SMYD3: variants seen among roughly 807,000 people sequenced by gnomAD.
SMYD3 encodes the protein histone-lysine N-methyltransferase SMYD3.
A neutral mutation model predicts 57.7 loss-of-function variants in SMYD3; 36 were observed. The observed-to-expected ratio is 0.62, with a 90% CI of 0.48 to 0.82. The LOEUF is 0.82. Ranked by LOEUF, SMYD3 falls within the 40% of genes least tolerant of loss-of-function variation. The pLI is 0.00. For missense variants in SMYD3, 515 were observed against 538.8 expected (o/e 0.96, Z 0.44); for synonymous variants, 211 against 195.0 (o/e 1.08, Z -0.68).
intron 1 of SMYD3, among the ~76,000 whole-genome samples, chr1:246,375,447 T>C (rs2066260425): frequency 6.7e-6 from 1 of 148,518 alleles, no homozygotes; most frequent in Non-Finnish European, 1.5e-5. Flanking sequence ...AATTTTTGGA[T>C]GAGAAAAATA....
chr1:246,353,576 T>C (rs1007774747), intron 2 of SMYD3, among the ~76,000 whole-genome samples: 2 of 152,062 alleles, frequency 1.3e-5, no homozygotes, highest in Non-Finnish European at 2.9e-5. Flanking sequence ...CAATATATAA[T>C]GGAAAACTAG....
chr1:245,789,261 A>C (rs1369130075), intron 10 of SMYD3, among the ~76,000 whole-genome samples: 11 of 152,202 alleles, frequency 7.2e-5, no homozygotes, highest in Admixed American at 6.5e-4. Flanking sequence ...CTAATGAGGC[A>C]AAGGTCTCCG....
intron 5 of SMYD3, among the ~76,000 whole-genome samples, chr1:246,221,393 G>A (rs2063251541): frequency 6.6e-6 from 1 of 152,186 alleles, no homozygotes; most frequent in African/African-American, 2.4e-5. Context: ...CGAATGGTGA[G>A]GCTAAAAGAG....
chr1:245,776,279 G>A (rs1290976874), intron 10 of SMYD3, among the ~76,000 whole-genome samples: 1 of 151,978 alleles, frequency 6.6e-6, no homozygotes, highest in Non-Finnish European at 1.5e-5. Context: ...GCCAGTTTGC[G>A]GAGAGCAGTC....
intron 1 of SMYD3, among the ~76,000 whole-genome samples, chr1:246,474,519 CAAAAAAAAA>C (rs35626265): frequency 3.2e-4 from 25 of 78,832 alleles, no homozygotes; most frequent in East Asian, 1.1e-3. Context: ...ACTCCCCTCT[CAAAAAAAAA>C]AAAAAAAAAA....
intron 10 of SMYD3, among the ~76,000 whole-genome samples, chr1:245,822,817 T>C (rs1482178069): frequency 6.6e-6 from 1 of 152,192 alleles, no homozygotes; most frequent in Non-Finnish European, 1.5e-5. Context: ...AAGACATTTT[T>C]ACATGTGTTA....
At chr1:246,002,240 T>G (rs12755059) in intron 5 of SMYD3, among the ~76,000 whole-genome samples, 34 of 143,832 alleles carry the variant, frequency 2.4e-4, no homozygotes, top group Non-Finnish European at 3.8e-4. Flanking sequence ...GCTGGAGTGC[T>G]GTGGCGCGAT....
intron 5 of SMYD3, among the ~76,000 whole-genome samples, chr1:246,239,244 C>G (rs2063562069): frequency 6.6e-6 from 1 of 152,174 alleles, no homozygotes; most frequent in Non-Finnish European, 1.5e-5. Flanking sequence ...CTATCCCTCC[C>G]CTCTACCCCC....
intron 2 of SMYD3, among the ~76,000 whole-genome samples, chr1:246,336,954 C>A (rs1291639856): frequency 6.6e-6 from 1 of 152,156 alleles, no homozygotes; most frequent in East Asian, 1.9e-4. Context: ...ACAGTTTCAC[C>A]AAGTATTAAA....
At chr1:245,781,279 C>T (rs1055865016) in intron 10 of SMYD3, among the ~76,000 whole-genome samples, 6 of 152,094 alleles carry the variant, frequency 3.9e-5, no homozygotes, top group Non-Finnish European at 7.4e-5. Context: ...ATTAAACAAC[C>T]TTATGAGACA....
chr1:246,458,132 C>T (rs2067731554), intron 1 of SMYD3, among the ~76,000 whole-genome samples: 2 of 152,226 alleles, frequency 1.3e-5, no homozygotes, highest in African/African-American at 4.8e-5. Context: ...TAAAGACTTC[C>T]CTGATGGCAG....
chr1:246,083,346 A>C (rs1399586970), intron 5 of SMYD3, among the ~76,000 whole-genome samples: 1 of 152,202 alleles, frequency 6.6e-6, no homozygotes, highest in Non-Finnish European at 1.5e-5. Flanking sequence ...CATCAAAAGC[A>C]CAGCACTTTT....
chr1:246,073,319 T>C (rs984989570), intron 5 of SMYD3, among the ~76,000 whole-genome samples: 1 of 152,236 alleles, frequency 6.6e-6, no homozygotes, highest in Admixed American at 6.5e-5. Context: ...AAGTCTTCTT[T>C]TAAAATTGTA....
chr1:245,771,047 C>T (rs188873675), intron 10 of SMYD3, among the ~76,000 whole-genome samples: 73 of 127,430 alleles, frequency 5.7e-4, no homozygotes, highest in African/African-American at 1.6e-3. Context: ...TATATATATA[C>T]ACACACACAC....
chr1:246,425,199 T>C (rs1250116050), intron 1 of SMYD3, among the ~76,000 whole-genome samples: 2 of 152,110 alleles, frequency 1.3e-5, no homozygotes. Context: ...GCAAAGCACA[T>C]GCGGTGAGTG....
At chr1:246,140,914 A>G (rs2061743766) in intron 5 of SMYD3, among the ~76,000 whole-genome samples, 1 of 152,146 alleles carries the variant, frequency 6.6e-6, no homozygotes, top group African/African-American at 2.4e-5. Flanking sequence ...TGCGTTTCAA[A>G]TGCACATCAC....
At chr1:245,871,409 G>C (rs1196375319) in intron 8 of SMYD3, among the ~76,000 whole-genome samples, 1 of 152,170 alleles carries the variant, frequency 6.6e-6, no homozygotes, top group Non-Finnish European at 1.5e-5. Context: ...GGGAAAAGTG[G>C]CTCTTTCATA....
intron 10 of SMYD3, among the ~76,000 whole-genome samples, chr1:245,844,477 A>T (rs1347249075): frequency 6.6e-6 from 1 of 152,236 alleles, no homozygotes; most frequent in Non-Finnish European, 1.5e-5. Flanking sequence ...GTAAAAATAA[A>T]GTTTATCAGC....
At position 246,450,279 on chromosome 1, in the gene SMYD3, G is replaced by A. The variant is rs183177340; in HGVS notation, c.164+56775C>T. Among the ~76,000 whole-genome samples the A allele has an allele frequency of 9.3e-5, 14 of 150,718 alleles. No individual in the cohort carries two copies. In the East Asian group the frequency reaches 9.7e-4, roughly 10 times the overall value. ...GCACTCCAGCCTGGGCAACAAAAGC[G>A]AAACTCTATCTCAAAAAAAAAAAAC... On this transcript the variant is annotated intron_variant, in intron 1 of 11. Coordinates refer to ENST00000490107, the MANE Select transcript of SMYD3 (RefSeq NM_001167740.2).
Sources: allele counts gnomAD v4.1 joint callset (sites outside exome capture counted in the v4.1 genomes callset), GRCh38; gene constraint gnomAD v4.1.1; transcripts MANE v1.5; gene names NCBI Gene and HGNC (gene_info 2026-07-23, HGNC 2026-07-21).